LRRC7: variants seen among roughly 807,000 people sequenced by gnomAD.
LRRC7 encodes the protein leucine rich repeat containing 7, also known as leucine-rich repeat-containing protein 7.
LRRC7 carries 23 observed loss-of-function variants against 175.7 expected under a neutral mutation model. That is an observed-to-expected ratio of 0.13 (90% CI 0.09 to 0.19). The LOEUF (loss-of-function observed/expected upper bound fraction) is 0.19. LRRC7 is among the 10% of genes least tolerant of loss of function. The pLI is 1.00. For missense variants in LRRC7, 1,354 were observed against 1,904.7 expected, an observed-to-expected ratio of 0.71 and a Z score of 5.38; for synonymous variants, 685 against 680.9, an observed-to-expected ratio of 1.01 and a Z score of -0.09.
intron 8 of LRRC7, among the ~76,000 whole-genome samples, chr1:69,964,912 T>C (rs1380834046): frequency 1.3e-5 from 2 of 152,222 alleles, no homozygotes; most frequent in Non-Finnish European, 2.9e-5. Context: ...TCTGGTTTGA[T>C]GCAGACACCC....
At chr1:70,010,575 A>G (rs1656414512) in intron 11 of LRRC7, among the ~76,000 whole-genome samples, 1 of 152,198 alleles carries the variant, frequency 6.6e-6, no homozygotes, top group Non-Finnish European at 1.5e-5. Flanking sequence ...AACAAAAGAA[A>G]AAAAAAGGAT....
intron 11 of LRRC7, among the ~76,000 whole-genome samples, chr1:69,998,153 G>A (rs141762855): frequency 4.6e-5 from 7 of 152,056 alleles, no homozygotes; most frequent in African/African-American, 1.7e-4. Flanking sequence ...AAGTATAATT[G>A]ACATACAAAA....
At chr1:69,853,270 C>CTTTTTTTTTTT (rs1163071175) in intron 7 of LRRC7, among the ~76,000 whole-genome samples, 5 of 88,012 alleles carry the variant, frequency 5.7e-5, no homozygotes, top group African/African-American at 2.2e-4. Flanking sequence ...TCCTTTCTTT[C>CTTTTTTTTTTT]TTTTTTTTTT....
At chr1:69,774,755 G>T (rs923088482) in intron 3 of LRRC7, among the ~76,000 whole-genome samples, 1 of 152,114 alleles carries the variant, frequency 6.6e-6, no homozygotes, top group Non-Finnish European at 1.5e-5. Context: ...CCGAAGATTT[G>T]GATGTAAGTA....
At chr1:69,827,657 G>T (rs1321107876) in intron 5 of LRRC7, among the ~76,000 whole-genome samples, 2 of 151,996 alleles carry the variant, frequency 1.3e-5, no homozygotes, top group African/African-American at 4.8e-5. Flanking sequence ...TGGCAACATG[G>T]TGAAACCCTG....
At chr1:69,995,069 A>G (rs1376448978) in intron 11 of LRRC7, among the ~76,000 whole-genome samples, 1 of 152,160 alleles carries the variant, frequency 6.6e-6, no homozygotes, top group Non-Finnish European at 1.5e-5. Context: ...TATTTATAGA[A>G]TCTTAACGTA....
At chr1:69,790,598 A>G (rs1415453440) in intron 3 of LRRC7, among the ~76,000 whole-genome samples, 1 of 151,970 alleles carries the variant, frequency 6.6e-6, no homozygotes, top group South Asian at 2.1e-4. Context: ...TTTTAAGTCT[A>G]TGAATCTGTA....
intron 1 of LRRC7, among the ~76,000 whole-genome samples, chr1:69,569,923 A>C (rs960296139): frequency 2.0e-5 from 3 of 151,606 alleles, no homozygotes; most frequent in African/African-American, 7.3e-5. Flanking sequence ...AAAAAAAAAA[A>C]AAAAAGCGAT....
At chr1:70,064,060 G>A (rs76238664) in intron 23 of LRRC7, among the ~76,000 whole-genome samples, 5,215 of 151,970 alleles carry the variant, frequency 0.034, 195 homozygotes, top group African/African-American at 0.1. Context: ...AAAATTCAAG[G>A]TCAGCAAATA....
intron 1 of LRRC7, among the ~76,000 whole-genome samples, chr1:69,648,608 C>G (rs1161820087): frequency 2.6e-5 from 4 of 152,188 alleles, no homozygotes; most frequent in African/African-American, 9.7e-5. Context: ...ATGTTTTTGG[C>G]TCCTGCCCAG....
intron 24 of LRRC7, among the ~76,000 whole-genome samples, chr1:70,083,508 G>A (rs1055987530): frequency 3.9e-5 from 6 of 151,992 alleles, no homozygotes; most frequent in Non-Finnish European, 8.8e-5. Context: ...AAGTCCTATC[G>A]TCAAATCTCC....
rs1199096985 is a variant in LRRC7 at position 69,568,086 on chromosome 1, G to A, written c.-554G>A. Among the ~76,000 whole-genome samples, 1 of 152,134 alleles carries A rather than the reference G, an allele frequency of 6.6e-6. No homozygotes were observed. The highest frequency in any genetic ancestry group is 1.5e-5 in the Non-Finnish European group (1 of 68,018). ...CACCGCCACCGCCTCCTGCAGTTGC[G>A]GAGCGCTCAGCCCCTCCGAGACGCC... On this transcript the variant is annotated 5_prime_UTR_variant, in exon 1 of 27. Coordinates refer to ENST00000651989, the MANE Select transcript of LRRC7 (RefSeq NM_001370785.2).
At chr1:69,717,853 G>GGAAAGAAA (rs144400631) in intron 2 of LRRC7, among the ~76,000 whole-genome samples, 277 of 15,626 alleles carry the variant, frequency 0.018, 43 homozygotes, top group East Asian at 0.15. Context: ...AAGAAAGAAA[G>GGAAAGAAA]GAAAGAAAGA....
chr1:69,583,480 A>G (rs1178256863), intron 1 of LRRC7, among the ~76,000 whole-genome samples: 1 of 152,110 alleles, frequency 6.6e-6, no homozygotes, highest in Non-Finnish European at 1.5e-5. Flanking sequence ...TGGTTTTCAA[A>G]CATTTTTATA....
chr1:70,010,903 G>A (rs146247364), intron 11 of LRRC7, among the ~76,000 whole-genome samples: 37 of 152,140 alleles, frequency 2.4e-4, no homozygotes, highest in Middle Eastern at 3.4e-3. Context: ...GGACTGGTAG[G>A]GATTGTGACA....
chr1:69,849,260 G>C (rs1682711017), intron 7 of LRRC7, among the ~76,000 whole-genome samples: 1 of 151,928 alleles, frequency 6.6e-6, no homozygotes, highest in Non-Finnish European at 1.5e-5. Context: ...TACACTATAG[G>C]AATTGGTTAA....
intron 4 of LRRC7, among the ~76,000 whole-genome samples, chr1:69,808,146 A>G (rs1677359013): frequency 6.6e-6 from 1 of 151,562 alleles, no homozygotes; most frequent in African/African-American, 2.4e-5. Flanking sequence ...TTTAAGCTCC[A>G]TCAGGTCATT....
chr1:69,904,830 C>A (rs1333502148), intron 7 of LRRC7, among the ~76,000 whole-genome samples: 1 of 152,148 alleles, frequency 6.6e-6, no homozygotes, highest in Non-Finnish European at 1.5e-5. Flanking sequence ...CTCCCACACA[C>A]AACCCTTGAG....
intron 5 of LRRC7, among the ~76,000 whole-genome samples, chr1:69,827,488 G>T (rs1680054079): frequency 6.6e-6 from 1 of 152,040 alleles, no homozygotes; most frequent in Non-Finnish European, 1.5e-5. Flanking sequence ...TAAAAATTAT[G>T]AAAAGTCAAC....
Sources: allele counts gnomAD v4.1 joint callset (sites outside exome capture counted in the v4.1 genomes callset), GRCh38; gene constraint gnomAD v4.1.1; transcripts MANE v1.5; gene names NCBI Gene and HGNC (gene_info 2026-07-23, HGNC 2026-07-21).